Variants in DPY19L4 observed in about 807,000 individuals in gnomAD.
DPY19L4 encodes the protein probable C-mannosyltransferase DPY19L4.
A neutral mutation model predicts 102.8 loss-of-function variants in DPY19L4; 97 were observed. The observed-to-expected ratio is 0.94, with a 90% confidence interval of 0.80 to 1.12. The LOEUF is 1.12. Ranked by LOEUF, DPY19L4 falls within the 50% of genes most tolerant of loss-of-function variation. The pLI, the probability that DPY19L4 is intolerant of heterozygous loss-of-function variation, is 0.00. For missense variants in DPY19L4, 815 were observed against 850.4 expected (o/e 0.96, Z 0.52); for synonymous variants, 252 against 283.1 (o/e 0.89, Z 1.10).
chr8:94,748,996 C>T (rs2130844901), intron 6 of DPY19L4, among the ~76,000 whole-genome samples: 1 of 152,268 alleles, frequency 6.6e-6, no homozygotes, highest in Non-Finnish European at 1.5e-5. Flanking sequence ...GCCTCACAAT[C>T]ATGGCAGAAG....
intron 2 of DPY19L4, among the ~76,000 whole-genome samples, chr8:94,733,121 T>G (rs1163697099): frequency 1.2e-3 from 156 of 130,812 alleles, no homozygotes; most frequent in Middle Eastern, 0.011. Flanking sequence ...TCTTAACCTT[T>G]TTTTTTTTTT....
chr8:94,787,919 C>A lies in DPY19L4; in HGVS notation c.1874C>A (p.Ser625Tyr). The A allele has an allele frequency of 7.0e-7, 1 of 1,426,378 alleles. No homozygotes were observed. Among genetic ancestry groups the A allele is most frequent in the Non-Finnish European group, 9.2e-7 (1 of 1,086,314 alleles). The allele number at this position is 1,426,378 out of a possible 1,614,324, so 88.4% of individuals were successfully genotyped here. ...ENIYQIYSKR[S>Y]AEDIYKILTS... ...ATCTACCAAATCTATTCAAAGCGAT[C>A]TGCTGAGGATATTTATAAAATACTG... Residue 625 changes from serine (S) to tyrosine (Y), a missense_variant, in exon 18 of 19, where the codon TCT becomes TAT. By Grantham distance (144) the Ser-to-Tyr change is moderately radical. Transcript: ENST00000414645.
At chr8:94,768,003 T>C (rs1181720068) in intron 11 of DPY19L4, among the ~76,000 whole-genome samples, 2 of 152,216 alleles carry the variant, frequency 1.3e-5, no homozygotes, top group Non-Finnish European at 2.9e-5. Context: ...ATTGGCCACA[T>C]TTCAGCTGTT....
chr8:94,734,621 CTT>C lies in DPY19L4; in HGVS notation c.128-5_128-4del. On this transcript the variant is annotated splice_region_variant and splice_polypyrimidine_tract_variant and intron_variant, in intron 2 of 18. Coordinates refer to ENST00000414645, the MANE Select transcript of DPY19L4 (RefSeq NM_181787.3). Reference sequence around the variant, plus strand: ...TTACCTTTTCATTACTTTTAATATACTTTTTCAGATGTATTATTTCAACGCTT... The same window carrying C: ...TTACCTTTTCATTACTTTTAATATACTTTCAGATGTATTATTTCAACGCTT... 6.2e-7 allele frequency: 1 copy of C among 1,608,550 alleles called. No homozygotes were observed. The highest frequency in any genetic ancestry group is 8.5e-7 in the Non-Finnish European group (1 of 1,176,682).
intron 1 of DPY19L4, among the ~76,000 whole-genome samples, chr8:94,724,890 A>G (rs1273983995): frequency 1.3e-5 from 2 of 152,134 alleles, no homozygotes; most frequent in Non-Finnish European, 2.9e-5. Context: ...ACCCGGCCTA[A>G]TAATGTCATT....
At chr8:94,746,846 G>C (rs975195834) in intron 6 of DPY19L4, among the ~76,000 whole-genome samples, 45 of 152,172 alleles carry the variant, frequency 3.0e-4, no homozygotes, top group Admixed American at 1.6e-3. Context: ...TGTGATACCA[G>C]TGTAGCAACA....
chr8:94,777,804 ATT>A lies in DPY19L4; in HGVS notation c.1575+19_1575+20del, dbSNP rs749029539. The A allele has an allele frequency of 8.8e-6, 14 of 1,597,858 alleles. No individual in the cohort carries two copies. Among genetic ancestry groups the A allele is most frequent in the Non-Finnish European group, 1.1e-5 (13 of 1,171,188 alleles). On this transcript the variant is annotated intron_variant, in intron 14 of 18. Coordinates refer to ENST00000414645, the MANE Select transcript of DPY19L4 (RefSeq NM_181787.3). ...TATTGTTGGTGAGTCATTATTTTGC[ATT>A]GTTTCTCTTCTAATTATATAAAATC...
intron 8 of DPY19L4, among the ~76,000 whole-genome samples, chr8:94,762,559 G>GT (rs1812437327): frequency 6.6e-6 from 1 of 152,118 alleles, no homozygotes; most frequent in Non-Finnish European, 1.5e-5. Flanking sequence ...AGCTAAGAGA[G>GT]TTATTTGGTA....
chr8:94,755,045 C>T (rs1400946687), intron 6 of DPY19L4, among the ~76,000 whole-genome samples: 1 of 152,124 alleles, frequency 6.6e-6, no homozygotes, highest in Non-Finnish European at 1.5e-5. Context: ...GCCTCAGCCT[C>T]CCAAATTGCT....
chr8:94,754,010 T>C (rs1812056840), intron 6 of DPY19L4, among the ~76,000 whole-genome samples: 2 of 152,140 alleles, frequency 1.3e-5, no homozygotes, highest in Admixed American at 6.6e-5. Context: ...GGCAAAACAC[T>C]GGCTCTACTA....
Position 94,789,807 on chromosome 8 carries a change from T to C in DPY19L4, c.2069T>C (p.Val690Ala). Residue 690 changes from valine to alanine, a missense_variant, in exon 19 of 19, where the codon GTC (valine) becomes GCC (alanine). Coordinates refer to ENST00000414645, the MANE Select transcript of DPY19L4 (RefSeq NM_181787.3). ...AAATATGGGCGATTTTGTCATGAGG[T>C]CAAAATTAACTATTCTCCATATGTG... is the stretch of plus-strand genomic sequence containing the variant. Reference protein sequence around the residue: ...YSKYGRFCHEVKINYSPYVNY... With the variant: ...YSKYGRFCHEAKINYSPYVNY... 1 of 1,611,928 alleles carries C rather than the reference T, an allele frequency of 6.2e-7. No homozygotes were observed. Among genetic ancestry groups the C allele is most frequent in the Non-Finnish European group, 8.5e-7 (1 of 1,179,012 alleles).
In DPY19L4 at chr8:94,726,369, T is replaced by C. The variant is rs535116985; in HGVS notation, c.55T>C (p.Ser19Pro). 24 of 1,611,898 alleles carry C rather than the reference T, an allele frequency of 1.5e-5. No homozygotes were observed. Among genetic ancestry groups the C allele is most frequent in the Non-Finnish European group, 2.0e-5 (24 of 1,179,578 alleles). The change falls in exon 2 of 19, where the codon TCT (serine) becomes CCT (proline). Residue 19 changes from serine (S) to proline (P), a missense_variant. Ser to Pro is a moderately conservative substitution (Grantham distance 74, BLOSUM62 -1). Coordinates refer to ENST00000414645, the MANE Select transcript of DPY19L4 (RefSeq NM_181787.3). ...GCTGCGCCAAAGAAAAAAGCCAAAG[T>C]CTTCAGAAAATAAGGAATCTGCCAA... ...VELRQRKKPKSSENKESAKEE... is the reference protein window; with the variant it reads ...VELRQRKKPKPSENKESAKEE...
chr8:94,749,946 T>C (rs1208056083), intron 6 of DPY19L4, among the ~76,000 whole-genome samples: 1 of 152,120 alleles, frequency 6.6e-6, no homozygotes, highest in Non-Finnish European at 1.5e-5. Context: ...TATAAAAATA[T>C]TGGTTCATGT....
rs183282596 is a variant in DPY19L4, at chr8:94,738,552, T to A, written c.343+93T>A. On this transcript the variant is annotated intron_variant, in intron 4 of 18. Coordinates refer to ENST00000414645, the MANE Select transcript of DPY19L4 (RefSeq NM_181787.3). ...TTTTCCGAGACGGAGTCTTGCTCTGTCACCCAGGCTGGAGTGCAGTGGTGC... is the reference window on the plus strand; with the variant it reads ...TTTTCCGAGACGGAGTCTTGCTCTGACACCCAGGCTGGAGTGCAGTGGTGC... 5.6e-4 allele frequency: 324 copies of A among 578,194 alleles called. 2 individuals are homozygous for A. The highest frequency in any genetic ancestry group is 5.3e-3 in the Middle Eastern group (7 of 1,312). The allele number at this position is 578,194 out of a possible 1,614,324, so 35.8% of individuals were successfully genotyped here. A position where few individuals can be genotyped will look rare whatever the true frequency, so the allele number is the denominator to read the frequency against.
At chr8:94,721,336 A>G (rs906764729) in intron 1 of DPY19L4, among the ~76,000 whole-genome samples, 1 of 152,226 alleles carries the variant, frequency 6.6e-6, no homozygotes, top group Non-Finnish European at 1.5e-5. Context: ...AGAAGTGTTT[A>G]CTGATGTGTG....
intron 1 of DPY19L4, among the ~76,000 whole-genome samples, chr8:94,722,805 C>T (rs1260696455): frequency 6.6e-6 from 1 of 152,116 alleles, no homozygotes; most frequent in East Asian, 1.9e-4. Context: ...TCCAGGTGTT[C>T]TCCGCGTCCC....
intron 14 of DPY19L4, among the ~76,000 whole-genome samples, chr8:94,778,632 A>G (rs890473256): frequency 6.6e-6 from 1 of 151,974 alleles, no homozygotes; most frequent in African/African-American, 2.4e-5. Context: ...CTGTTAGAAC[A>G]TAGGGAAGGG....
intron 8 of DPY19L4, among the ~76,000 whole-genome samples, chr8:94,763,342 T>A (rs886928029): frequency 1.3e-5 from 2 of 149,952 alleles, no homozygotes; most frequent in Non-Finnish European, 3.0e-5. Context: ...TTATTTTTAT[T>A]TATTTTTACT....
chr8:94,726,777 G>C (rs1810708800), intron 2 of DPY19L4, among the ~76,000 whole-genome samples: 1 of 152,142 alleles, frequency 6.6e-6, no homozygotes, highest in Non-Finnish European at 1.5e-5. Flanking sequence ...ACTATCACTT[G>C]TACGCACCTT....
Sources: gnomAD v4.1 joint callset for allele counts (sites outside exome capture counted in the v4.1 genomes callset) on GRCh38, gnomAD v4.1.1 for gene constraint, MANE v1.5 for transcripts, NCBI Gene and HGNC (gene_info 2026-07-23, HGNC 2026-07-21) for gene names.